MSRA: variants seen among roughly 807,000 people sequenced by gnomAD.
The protein encoded by MSRA is mitochondrial peptide methionine sulfoxide reductase.
A neutral mutation model predicts 31.3 loss-of-function variants in MSRA; 54 were observed. That is an observed-to-expected ratio of 1.73 (90% CI 1.39 to 2.17). MSRA has a LOEUF of 2.17. Among genes scored for constraint, MSRA ranks in the 30% most tolerant of loss-of-function variants. MSRA has a pLI of 0.00. For synonymous variants in MSRA, 169 were observed against 116.5 expected (o/e 1.45, Z -2.90); for missense variants, 507 against 300.9 (o/e 1.69, Z -5.07).
At chr8:10,190,240 C>T (rs1044960358) in intron 1 of MSRA, among the ~76,000 whole-genome samples, 1 of 152,102 alleles carries the variant, frequency 6.6e-6, no homozygotes, top group Non-Finnish European at 1.5e-5. Context: ...CCAGTCATGG[C>T]CCCAGAACTC....
intron 2 of MSRA, among the ~76,000 whole-genome samples, chr8:10,209,184 T>G (rs1463139661): frequency 6.6e-6 from 1 of 152,262 alleles, no homozygotes; most frequent in Non-Finnish European, 1.5e-5. Context: ...GCTAAAACGT[T>G]TGATTTGCTA....
intron 1 of MSRA, among the ~76,000 whole-genome samples, chr8:10,184,266 C>T (rs117591998): frequency 0.016 from 2,407 of 151,834 alleles, 31 homozygotes; most frequent in Middle Eastern, 0.041. Flanking sequence ...TGGTAGTGAG[C>T]AGTTCCCTCA....
chr8:10,129,311 C>T (rs1801729803), intron 1 of MSRA, among the ~76,000 whole-genome samples: 1 of 152,120 alleles, frequency 6.6e-6, no homozygotes, highest in African/African-American at 2.4e-5. Flanking sequence ...ACTCGGGCTT[C>T]AGGGTGAAAA....
intron 1 of MSRA, among the ~76,000 whole-genome samples, chr8:10,081,882 C>A (rs551994748): frequency 6.6e-6 from 1 of 152,150 alleles, no homozygotes; most frequent in South Asian, 2.1e-4. Flanking sequence ...AATTCTACCC[C>A]CTCTGCTGAC....
chr8:10,186,624 A>G (rs1807079050), intron 1 of MSRA, among the ~76,000 whole-genome samples: 1 of 152,126 alleles, frequency 6.6e-6, no homozygotes, highest in African/African-American at 2.4e-5. Context: ...GGGTAAAATC[A>G]TCACTGTGTT....
chr8:10,256,595 T>A (rs1050900655), intron 3 of MSRA, among the ~76,000 whole-genome samples: 2 of 152,176 alleles, frequency 1.3e-5, no homozygotes, highest in Non-Finnish European at 2.9e-5. Context: ...ACATTGAAAC[T>A]TACTTTTCTT....
intron 1 of MSRA, among the ~76,000 whole-genome samples, chr8:10,077,179 G>A (rs1798034586): frequency 6.6e-6 from 1 of 152,188 alleles, no homozygotes; most frequent in Admixed American, 6.5e-5. Flanking sequence ...GTCGGCCACA[G>A]CCATTGCATT....
chr8:10,237,837 C>T (rs745770412), intron 2 of MSRA, among the ~76,000 whole-genome samples: 9 of 152,216 alleles, frequency 5.9e-5, no homozygotes, highest in Non-Finnish European at 1.3e-4. Flanking sequence ...CCTCCACCAC[C>T]ACTTGGTCTA....
At chr8:10,058,799 A>G (rs1451956500) in intron 1 of MSRA, among the ~76,000 whole-genome samples, 1 of 152,236 alleles carries the variant, frequency 6.6e-6, no homozygotes, top group Non-Finnish European at 1.5e-5. Context: ...TCCCACCTTT[A>G]AAAATAAATT....
chr8:10,154,266 C>A (rs1233637079), intron 1 of MSRA, among the ~76,000 whole-genome samples: 1 of 146,862 alleles, frequency 6.8e-6, no homozygotes, highest in Non-Finnish European at 1.5e-5. Context: ...ACAGTTCTTA[C>A]CAAGGTTACG....
intron 5 of MSRA, among the ~76,000 whole-genome samples, chr8:10,398,789 T>C (rs910298649): frequency 6.6e-6 from 1 of 152,244 alleles, no homozygotes; most frequent in Non-Finnish European, 1.5e-5. Context: ...TTTTCATTTC[T>C]TTTTTAACCT....
intron 1 of MSRA, among the ~76,000 whole-genome samples, chr8:10,202,475 G>T (rs143319845): frequency 6.6e-6 from 1 of 152,294 alleles, no homozygotes; most frequent in East Asian, 1.9e-4. Flanking sequence ...CTTCCCCTGT[G>T]CCATCTTTGT....
At chr8:10,247,297 A>G (rs1262438655) in intron 3 of MSRA, among the ~76,000 whole-genome samples, 1 of 152,140 alleles carries the variant, frequency 6.6e-6, no homozygotes, top group Non-Finnish European at 1.5e-5. Context: ...GGTCATACCT[A>G]GCAGGAATCC....
chr8:10,269,520 G>T (rs1024892427), intron 3 of MSRA, among the ~76,000 whole-genome samples: 1 of 152,258 alleles, frequency 6.6e-6, no homozygotes, highest in Non-Finnish European at 1.5e-5. Flanking sequence ...GAACAACAGG[G>T]AAGTGTTACC....
At chr8:10,327,694 G>A (rs1013606043) in intron 5 of MSRA, among the ~76,000 whole-genome samples, 1 of 152,104 alleles carries the variant, frequency 6.6e-6, no homozygotes, top group Non-Finnish European at 1.5e-5. Context: ...AGCACTTTGG[G>A]AAGCCAAGGC....
chr8:10,072,013 A>G (rs962129080), intron 1 of MSRA, among the ~76,000 whole-genome samples: 4 of 152,094 alleles, frequency 2.6e-5, no homozygotes, highest in Admixed American at 2.6e-4. Context: ...TCTGCCTACG[A>G]GCACCCCTTT....
At chr8:10,303,289 C>T (rs577366341) in intron 4 of MSRA, among the ~76,000 whole-genome samples, 12 of 152,334 alleles carry the variant, frequency 7.9e-5, no homozygotes, top group African/African-American at 2.9e-4. Flanking sequence ...GTCAACTTCT[C>T]TCTCCATACC....
chr8:10,339,130 A>G (rs995910072), intron 5 of MSRA, among the ~76,000 whole-genome samples: 23 of 152,178 alleles, frequency 1.5e-4, no homozygotes, highest in Non-Finnish European at 2.6e-4. Flanking sequence ...GAAAATTTTC[A>G]TTGATCTCCT....
At chr8:10,259,452 C>G (rs1798354110) in intron 3 of MSRA, among the ~76,000 whole-genome samples, 1 of 152,150 alleles carries the variant, frequency 6.6e-6, no homozygotes, top group East Asian at 1.9e-4. Flanking sequence ...GACATACTTC[C>G]TGGTGAAGCA....
Sources: allele counts gnomAD v4.1 joint callset (sites outside exome capture counted in the v4.1 genomes callset), GRCh38; gene constraint gnomAD v4.1.1; transcripts MANE v1.5; gene names NCBI Gene and HGNC (gene_info 2026-07-23, HGNC 2026-07-21).